The following RTN4IP1 variants were observed in gnomAD, a reference collection of about 807,000 sequenced individuals.
The protein encoded by RTN4IP1 is NAD(P)H oxidoreductase RTN4IP1, mitochondrial.
Under a neutral mutation model 46.6 loss-of-function variants are expected in RTN4IP1, and 32 were observed. The observed-to-expected ratio is 0.69, with a 90% CI of 0.52 to 0.92. The LOEUF is 0.92. Ranked by LOEUF, RTN4IP1 falls within the 40% of genes least tolerant of loss-of-function variation. RTN4IP1 has a pLI of 0.00. For synonymous variants in RTN4IP1, 167 were observed against 161.8 expected (o/e 1.03, Z -0.24); for missense variants, 424 against 485.8 (o/e 0.87, Z 1.20).
intron 5 of RTN4IP1, among the ~76,000 whole-genome samples, chr6:106,594,204 A>G (rs1423905704): frequency 6.6e-6 from 1 of 152,210 alleles, no homozygotes; most frequent in Non-Finnish European, 1.5e-5. Context: ...AATATAAAAC[A>G]CAACTATAGA....
intron 7 of RTN4IP1, among the ~76,000 whole-genome samples, chr6:106,583,998 T>C (rs1224722367): frequency 6.6e-6 from 1 of 152,200 alleles, no homozygotes; most frequent in Non-Finnish European, 1.5e-5. Flanking sequence ...TTATGGCAAA[T>C]ACAAAGCCAT....
chr6:106,614,286 T>A (rs1373205123), intron 4 of RTN4IP1, among the ~76,000 whole-genome samples: 1 of 152,036 alleles, frequency 6.6e-6, no homozygotes, highest in Non-Finnish European at 1.5e-5. Context: ...AAGAGCAGGG[T>A]TTATGAACAA....
At position 106,592,267 on chromosome 6, in the gene RTN4IP1, C is replaced by T. The variant is rs1775680947; in HGVS notation, c.703G>A (p.Val235Ile). 2 of 1,613,940 alleles carry T rather than the reference C, an allele frequency of 1.2e-6. No homozygotes were observed. The highest frequency in any genetic ancestry group is 1.3e-5 in the African/African-American group (1 of 74,872). The change falls in exon 6 of 9, where the codon GTT (valine) becomes ATT (isoleucine). Residue 235 changes from valine to isoleucine, a missense_variant. Transcript: ENST00000369063. ...AGTTCACTGGCATCTTGGGAGCAAA[C>T]TGCTGTCACATGAGCATCCCATGCT... The part of the protein sequence containing the change: ...MKAWDAHVTA[V>I]CSQDASELVR...
At chr6:106,617,673 T>C (rs1776387885) in intron 4 of RTN4IP1, among the ~76,000 whole-genome samples, 2 of 152,178 alleles carry the variant, frequency 1.3e-5, no homozygotes, top group African/African-American at 4.8e-5. Context: ...CCAATGTCTC[T>C]AAGAAGAGAC....
At chr6:106,597,740 A>C (rs77620238) in intron 5 of RTN4IP1, among the ~76,000 whole-genome samples, 10,935 of 146,990 alleles carry the variant, frequency 0.074, 579 homozygotes, top group East Asian at 0.2. Context: ...ACATGTGCAC[A>C]TTGTGCAGGT....
chr6:106,615,258 C>T (rs1776321212), intron 4 of RTN4IP1, among the ~76,000 whole-genome samples: 1 of 152,054 alleles, frequency 6.6e-6, no homozygotes. Context: ...AAGAAGAAGG[C>T]TGTCATTTTA....
chr6:106,625,667 T>C (rs907507887), intron 1 of RTN4IP1, among the ~76,000 whole-genome samples: 98 of 144,546 alleles, frequency 6.8e-4, no homozygotes, highest in African/African-American at 2.5e-4. Flanking sequence ...TTTTCTTTTT[T>C]TTTTTTTTTT....
At chr6:106,629,580 T>C (rs1479361590), upstream of RTN4IP1, 5 of 1,425,926 alleles carry the variant, frequency 3.5e-6, no homozygotes, top group Non-Finnish European at 4.8e-6. Context: ...AAGGGCTCAG[T>C]GACAATTAAA....
intron 8 of RTN4IP1, among the ~76,000 whole-genome samples, chr6:106,578,277 T>C (rs1346110410): frequency 6.6e-6 from 1 of 152,226 alleles, no homozygotes; most frequent in Admixed American, 6.5e-5. Context: ...GGGCCCTGCC[T>C]ATGTGACCTT....
At chr6:106,577,720 A>G (rs573541819) in intron 8 of RTN4IP1, among the ~76,000 whole-genome samples, 1 of 152,118 alleles carries the variant, frequency 6.6e-6, no homozygotes, top group Non-Finnish European at 1.5e-5. Context: ...GGATTATCCA[A>G]GTGGGCCCAG....
intron 5 of RTN4IP1, among the ~76,000 whole-genome samples, chr6:106,596,833 T>C (rs1318284240): frequency 6.6e-6 from 1 of 152,222 alleles, no homozygotes; most frequent in Non-Finnish European, 1.5e-5. Context: ...TATGTGTCCA[T>C]GATACCTGAA....
At chr6:106,621,574 T>C (rs1776488135) in intron 2 of RTN4IP1, 81 bp from the exon 3 acceptor site, 2 of 1,135,530 alleles carry the variant, frequency 1.8e-6, no homozygotes, top group African/African-American at 1.5e-5. Flanking sequence ...TGTTCCCTAA[T>C]ATATACCCTG....
intron 5 of RTN4IP1, among the ~76,000 whole-genome samples, chr6:106,598,833 TA>T (rs879383990): frequency 6.6e-6 from 1 of 151,864 alleles, no homozygotes; most frequent in African/African-American, 2.4e-5. Flanking sequence ...GTTTTAGGTC[TA>T]ACGTTTAAAT....
intron 4 of RTN4IP1, among the ~76,000 whole-genome samples, chr6:106,617,421 A>T (rs1776382386): frequency 6.6e-6 from 1 of 152,206 alleles, no homozygotes; most frequent in African/African-American, 2.4e-5. Flanking sequence ...TCATCACCTA[A>T]TAAGGTCTAA....
chr6:106,597,920 C>T (rs906813774), intron 5 of RTN4IP1, among the ~76,000 whole-genome samples: 2 of 151,996 alleles, frequency 1.3e-5, no homozygotes, highest in African/African-American at 4.8e-5. Flanking sequence ...TGTTCAATTC[C>T]CACCTATGAG....
Position 106,622,803 on chromosome 6 carries a change from C to CA in RTN4IP1, c.426+14dup. On this transcript the variant is annotated intron_variant, in intron 2 of 8. Transcript: ENST00000369063. ...GGTTGGATCCCCGCAGGAATAGTGG[C>CA]ATTCCCTAACTCACCTCATCTCCAG... 1 of 1,607,730 alleles carries CA rather than the reference C, an allele frequency of 6.2e-7. No homozygotes were observed. The highest frequency in any genetic ancestry group is 8.5e-7 in the Non-Finnish European group (1 of 1,176,460).
upstream of RTN4IP1, chr6:106,629,638 C>A: frequency 6.3e-7 from 1 of 1,582,112 alleles, no homozygotes; most frequent in Non-Finnish European, 8.6e-7. Context: ...ACCTCTTTTT[C>A]CCCCTTGCCT....
chr6:106,613,399 G>A (rs1776277310), intron 4 of RTN4IP1, among the ~76,000 whole-genome samples: 1 of 152,146 alleles, frequency 6.6e-6, no homozygotes, highest in Non-Finnish European at 1.5e-5. Flanking sequence ...GAAGGAGAAA[G>A]AAAGTTAAAC....
chr6:106,604,187 A>G (rs1018118483), intron 4 of RTN4IP1, among the ~76,000 whole-genome samples: 2 of 152,078 alleles, frequency 1.3e-5, no homozygotes, highest in Non-Finnish European at 2.9e-5. Flanking sequence ...ATTTTTTTCT[A>G]TCTTGCCCAA....
Sources: gnomAD v4.1 joint callset for allele counts (sites outside exome capture counted in the v4.1 genomes callset) on GRCh38, gnomAD v4.1.1 for gene constraint, MANE v1.5 for transcripts, NCBI Gene and HGNC (gene_info 2026-07-23, HGNC 2026-07-21) for gene names.